THBS4: variants seen among roughly 807,000 people sequenced by gnomAD.
THBS4 encodes the protein thrombospondin 4, also known as thrombospondin-4.
THBS4 carries 90 observed loss-of-function variants against 115.7 expected under a neutral mutation model. The observed-to-expected ratio is 0.78, with a 90% CI of 0.66 to 0.93. THBS4 has a LOEUF of 0.93. THBS4 is among the 40% of genes least tolerant of loss of function. THBS4 has a pLI of 0.00. For missense variants in THBS4, 1,087 were observed against 1,232.7 expected (o/e 0.88, Z 1.77); for synonymous variants, 460 against 479.3 (o/e 0.96, Z 0.53).
At chr5:80,034,969 A>G (rs1327325749), upstream of THBS4, among the ~76,000 whole-genome samples, 1 of 152,154 alleles carries the variant, frequency 6.6e-6, no homozygotes, top group Non-Finnish European at 1.5e-5. Flanking sequence ...TTAGAAAACA[A>G]AAGGAGCGCA....
Position 80,083,216 on chromosome 5 carries a change from T to C in THBS4, c.*75T>C. ...ATTTTAACTTCAATTTTCTTTAGCT[T>C]TTACCAACCCAAATATATCAAAACG... is the stretch of plus-strand genomic sequence containing the variant. On this transcript the variant is annotated 3_prime_UTR_variant, in exon 22 of 22. Transcript: ENST00000350881. 1 of 1,307,792 alleles carries C rather than the reference T, an allele frequency of 7.6e-7. No individual in the cohort carries two copies. Among genetic ancestry groups the C allele is most frequent in the Non-Finnish European group, 1.1e-6 (1 of 902,522 alleles). The allele number at this position is 1,307,792 out of a possible 1,614,324, so 81.0% of individuals were successfully genotyped here.
intron 2 of THBS4, among the ~76,000 whole-genome samples, chr5:79,999,092 A>T (rs1321578321): frequency 2.0e-5 from 3 of 152,206 alleles, no homozygotes; most frequent in Non-Finnish European, 2.9e-5. Flanking sequence ...ACAATCCAGC[A>T]TTCTCTGTTT....
intron 7 of THBS4, 37 bp from the exon 8 acceptor site, chr5:80,061,658 C>A: frequency 6.4e-7 from 1 of 1,556,114 alleles, no homozygotes; most frequent in South Asian, 1.2e-5. Context: ...AGTGTTTTCT[C>A]GGTGTGGCTA....
At chr5:80,008,884 A>G (rs1832068711) in intron 2 of THBS4, among the ~76,000 whole-genome samples, 1 of 152,242 alleles carries the variant, frequency 6.6e-6, no homozygotes, top group African/African-American at 2.4e-5. Context: ...ATTTATAAGT[A>G]CAGTATATGT....
intron 5 of THBS4, 106 bp from the exon 6 acceptor site, chr5:80,059,327 CAAAAAAA>C: frequency 1.0e-5 from 8 of 775,978 alleles, no homozygotes; most frequent in Non-Finnish European, 1.1e-5. Flanking sequence ...GAGACTGTCT[CAAAAAAA>C]AAAAAAAAAA....
At chr5:80,001,930 A>G (rs763694474) in intron 2 of THBS4, among the ~76,000 whole-genome samples, 2 of 152,238 alleles carry the variant, frequency 1.3e-5, no homozygotes, top group Non-Finnish European at 2.9e-5. Flanking sequence ...TACTTCATAG[A>G]CATTCTTCAA....
At chr5:79,998,163 A>ATCACATG (rs1331622143) in intron 1 of THBS4, among the ~76,000 whole-genome samples, 2 of 152,206 alleles carry the variant, frequency 1.3e-5, no homozygotes, top group Admixed American at 6.5e-5. Flanking sequence ...CCCTGCCCAA[A>ATCACATG]TCACATGTCG....
intron 20 of THBS4, among the ~76,000 whole-genome samples, chr5:80,080,407 C>T (rs17878910): frequency 3.0e-3 from 458 of 151,862 alleles, no homozygotes; most frequent in Non-Finnish European, 5.7e-3. Flanking sequence ...ACATGCCAAT[C>T]GGTATGAGGT....
At chr5:80,030,724 T>C (rs1268332191), upstream of THBS4, among the ~76,000 whole-genome samples, 1 of 152,086 alleles carries the variant, frequency 6.6e-6, no homozygotes, top group African/African-American at 2.4e-5. Context: ...CCCAGGTTGG[T>C]CTCCAGCTCC....
At chr5:80,071,547 G>T (rs529885652) in intron 13 of THBS4, among the ~76,000 whole-genome samples, 2 of 152,172 alleles carry the variant, frequency 1.3e-5, no homozygotes, top group East Asian at 3.9e-4. Context: ...AGAACTGAAT[G>T]AGAAGGCATT....
At position 80,082,968 on chromosome 5, in the gene THBS4, G is replaced by A. The variant is rs1230621007; in HGVS notation, c.2825-112G>A. On this transcript the variant is annotated intron_variant, in intron 21 of 21. Transcript: ENST00000350881. ...AAATGGCGGCGAGGGCCTGCGGGGC[G>A]TCCTGGGCGGGCTAACAGCGCCCCC... 15 of 630,174 alleles carry A rather than the reference G, an allele frequency of 2.4e-5. No homozygotes were observed. The East Asian group carries it at 4.4e-4, about 18-fold the overall frequency. The allele number at this position is 630,174 out of a possible 1,614,324, so 39.0% of individuals were successfully genotyped here. A position where few individuals can be genotyped will look rare whatever the true frequency, so the allele number is the denominator to read the frequency against.
chr5:80,062,290 A>G (rs1186293655), intron 8 of THBS4, among the ~76,000 whole-genome samples: 2 of 152,200 alleles, frequency 1.3e-5, no homozygotes, highest in African/African-American at 4.8e-5. Context: ...TTTCTTATGT[A>G]AGCTATAAAT....
chr5:80,082,836 A>G (rs1405335457), intron 21 of THBS4, among the ~76,000 whole-genome samples: 3 of 152,254 alleles, frequency 2.0e-5, no homozygotes, highest in African/African-American at 4.8e-5. Flanking sequence ...TGTGGTTAAA[A>G]CATAATCACA....
intron 2 of THBS4, among the ~76,000 whole-genome samples, chr5:80,054,875 C>T (rs1833372014): frequency 6.6e-6 from 1 of 152,180 alleles, no homozygotes; most frequent in Admixed American, 6.5e-5. Flanking sequence ...CCTGTGCATG[C>T]CTAGCATTGC....
intron 2 of THBS4, among the ~76,000 whole-genome samples, chr5:80,043,318 T>C (rs1297398093): frequency 1.3e-5 from 2 of 152,110 alleles, no homozygotes; most frequent in African/African-American, 2.4e-5. Context: ...GTCCATCAGA[T>C]CCAAGGAAAA....
At position 80,049,145 on chromosome 5, in the gene THBS4, A is replaced by T. The variant is rs543937230; in HGVS notation, c.293-6640A>T. On this transcript the variant is annotated intron_variant, in intron 2 of 21. Transcript: ENST00000350881. ...CTGCTTCATAACTTTGACATTCAAC[A>T]TATCATAATATTTTTGACTACCAGG... Among the ~76,000 whole-genome samples the T allele has an allele frequency of 5.3e-5, 8 of 152,342 alleles. No homozygotes were observed. The South Asian group carries it at 1.7e-3, about 32-fold the overall frequency.
chr5:79,997,602 A>G (rs1259557710), intron 1 of THBS4, among the ~76,000 whole-genome samples: 1 of 152,190 alleles, frequency 6.6e-6, no homozygotes, highest in Non-Finnish European at 1.5e-5. Flanking sequence ...CAATTGATAG[A>G]ACTACTGGAC....
chr5:80,030,169 A>G (rs1832558210), intron 2 of THBS4, among the ~76,000 whole-genome samples: 1 of 151,988 alleles, frequency 6.6e-6, no homozygotes, highest in Non-Finnish European at 1.5e-5. Flanking sequence ...AAATGTCATC[A>G]CACGGTAGAA....
chr5:80,001,086 C>T (rs1831889520), intron 2 of THBS4, among the ~76,000 whole-genome samples: 3 of 152,170 alleles, frequency 2.0e-5, no homozygotes, highest in African/African-American at 7.2e-5. Context: ...TCACCTGATC[C>T]ATGAGCATCA....
Sources: allele counts gnomAD v4.1 joint callset (sites outside exome capture counted in the v4.1 genomes callset), GRCh38; gene constraint gnomAD v4.1.1; transcripts MANE v1.5; gene names NCBI Gene and HGNC (gene_info 2026-07-23, HGNC 2026-07-21).